The following KCNQ5 variants were observed in gnomAD, a reference collection of about 807,000 sequenced individuals.
KCNQ5 encodes potassium voltage-gated channel subfamily KQT member 5.
A neutral mutation model predicts 98.2 loss-of-function variants in KCNQ5; 30 were observed. The ratio of observed to expected loss-of-function variants is 0.31; its 90% CI spans 0.23 to 0.41. The LOEUF is 0.41. KCNQ5 is among the 10% of genes least tolerant of loss of function. The pLI is 1.00. For synonymous variants in KCNQ5, 458 were observed against 449.4 expected (o/e 1.02, Z -0.24); for missense variants, 835 against 1,182.5 (o/e 0.71, Z 4.31).
At chr6:72,805,862 T>C (rs1381009737) in intron 1 of KCNQ5, among the ~76,000 whole-genome samples, 1 of 152,154 alleles carries the variant, frequency 6.6e-6, no homozygotes, top group Non-Finnish European at 1.5e-5. Flanking sequence ...TTTTATAATT[T>C]TCATCGTAGA....
intron 10 of KCNQ5, among the ~76,000 whole-genome samples, chr6:73,144,293 C>T (rs1347174680): frequency 1.3e-5 from 2 of 152,068 alleles, no homozygotes; most frequent in Non-Finnish European, 2.9e-5. Flanking sequence ...CTTCCCTTGC[C>T]ATCTTTTTCT....
At chr6:73,097,155 A>ATATACATATATATATATATATG (rs1774544445) in intron 5 of KCNQ5, among the ~76,000 whole-genome samples, 1 of 147,228 alleles carries the variant, frequency 6.8e-6, no homozygotes, top group Non-Finnish European at 1.5e-5. Context: ...ATATATATAT[A>ATATACATATATATATATATATG]TATACACACA....
At chr6:72,968,322 C>T (rs542237726) in intron 1 of KCNQ5, among the ~76,000 whole-genome samples, 3 of 151,994 alleles carry the variant, frequency 2.0e-5, no homozygotes, top group South Asian at 4.2e-4. Flanking sequence ...ATTAGAGAAC[C>T]GTGTGAGACA....
At chr6:73,178,071 G>C (rs1179220308) in intron 11 of KCNQ5, among the ~76,000 whole-genome samples, 1 of 150,842 alleles carries the variant, frequency 6.6e-6, no homozygotes, top group Admixed American at 6.6e-5. Flanking sequence ...AACATGTATA[G>C]TCAATTTATT....
intron 1 of KCNQ5, among the ~76,000 whole-genome samples, chr6:72,718,207 C>G (rs1228103618): frequency 6.6e-6 from 1 of 152,136 alleles, no homozygotes; most frequent in Non-Finnish European, 1.5e-5. Context: ...TTTACTGATT[C>G]TAAATTCCAT....
At chr6:72,883,145 T>C (rs923454078) in intron 1 of KCNQ5, among the ~76,000 whole-genome samples, 2 of 152,228 alleles carry the variant, frequency 1.3e-5, no homozygotes, top group Admixed American at 6.5e-5. Context: ...AAGTAATCAT[T>C]GTCTGATGAG....
intron 3 of KCNQ5, among the ~76,000 whole-genome samples, chr6:73,060,882 A>G (rs1017349891): frequency 1.3e-5 from 2 of 152,194 alleles, no homozygotes; most frequent in African/African-American, 4.8e-5. Flanking sequence ...ATGAGACTGC[A>G]AGGAAATAGG....
intron 1 of KCNQ5, among the ~76,000 whole-genome samples, chr6:72,916,775 C>T (rs963179292): frequency 6.6e-6 from 1 of 152,022 alleles, no homozygotes; most frequent in African/African-American, 2.4e-5. Context: ...TTATATACCC[C>T]CCCAAAAAAA....
intron 1 of KCNQ5, among the ~76,000 whole-genome samples, chr6:72,661,597 G>A (rs963235725): frequency 1.3e-5 from 2 of 151,960 alleles, no homozygotes; most frequent in African/African-American, 4.8e-5. Flanking sequence ...TGTAGGCTTG[G>A]AAATGTTTTT....
At chr6:72,801,009 G>A (rs1262711701) in intron 1 of KCNQ5, among the ~76,000 whole-genome samples, 3 of 152,036 alleles carry the variant, frequency 2.0e-5, no homozygotes, top group Non-Finnish European at 2.9e-5. Flanking sequence ...TATAATTTCT[G>A]TTCTTTTACA....
chr6:73,150,489 C>T (rs1023384521), intron 10 of KCNQ5, among the ~76,000 whole-genome samples: 8 of 140,794 alleles, frequency 5.7e-5, no homozygotes, highest in Admixed American at 5.5e-4. Context: ...TATTATATTA[C>T]ATATAATATA....
chr6:72,753,701 A>T (rs1001936432), intron 1 of KCNQ5, among the ~76,000 whole-genome samples: 17 of 152,088 alleles, frequency 1.1e-4, no homozygotes, highest in Non-Finnish European at 4.4e-5. Context: ...ACATCTTTTC[A>T]CATGATGTTT....
chr6:73,091,770 A>ATTTG (rs1481222132), intron 5 of KCNQ5, among the ~76,000 whole-genome samples: 11 of 125,800 alleles, frequency 8.7e-5, no homozygotes, highest in Non-Finnish European at 1.8e-4. Context: ...TTGTTGGTTT[A>ATTTG]TTTGTTTGTT....
rs1162021317 is a variant in KCNQ5 at position 73,025,703 on chromosome 6, T to C, written c.490-16233T>C. 2.6e-5 allele frequency among the ~76,000 whole-genome samples: 4 copies of C among 150,946 alleles called. 1 individual carries two copies. Among genetic ancestry groups the C allele is most frequent in the Middle Eastern group, 6.5e-3 (2 of 310 alleles). Reference sequence around the variant, plus strand: ...CCATTTAAATGTATTTTGGAAAGTATATAAAAATCAAATATAAGATGGTTC... The same window carrying C: ...CCATTTAAATGTATTTTGGAAAGTACATAAAAATCAAATATAAGATGGTTC... On this transcript the variant is annotated intron_variant, in intron 2 of 13. Coordinates refer to ENST00000370398, the MANE Select transcript of KCNQ5 (RefSeq NM_019842.4).
intron 11 of KCNQ5, among the ~76,000 whole-genome samples, chr6:73,185,741 C>T (rs1026568303): frequency 6.6e-6 from 1 of 152,106 alleles, no homozygotes; most frequent in Non-Finnish European, 1.5e-5. Context: ...CCAGGGAAAA[C>T]CAGTGAAGGA....
At chr6:72,693,498 A>G (rs1387603028) in intron 1 of KCNQ5, among the ~76,000 whole-genome samples, 1 of 152,190 alleles carries the variant, frequency 6.6e-6, no homozygotes, top group Non-Finnish European at 1.5e-5. Flanking sequence ...GATGGGATTC[A>G]GGATTCTTTA....
At chr6:72,839,475 C>A (rs1344756445) in intron 1 of KCNQ5, among the ~76,000 whole-genome samples, 2 of 152,118 alleles carry the variant, frequency 1.3e-5, no homozygotes, top group Non-Finnish European at 2.9e-5. Context: ...ATTTTGAATT[C>A]TATCCTGGAC....
chr6:73,054,667 C>T (rs1464617090), intron 3 of KCNQ5, among the ~76,000 whole-genome samples: 1 of 152,174 alleles, frequency 6.6e-6, no homozygotes, highest in Non-Finnish European at 1.5e-5. Flanking sequence ...AAACCCTCAA[C>T]AAACTAGGCA....
chr6:73,077,562 G>T (rs1453368391), intron 4 of KCNQ5, 65 bp downstream of exon 4: 1 of 1,491,980 alleles, frequency 6.7e-7, no homozygotes, highest in Non-Finnish European at 9.0e-7. Flanking sequence ...CGCTGTAATA[G>T]TTAATAAACC....
Sources: gnomAD v4.1 joint callset for allele counts (sites outside exome capture counted in the v4.1 genomes callset) on GRCh38, gnomAD v4.1.1 for gene constraint, MANE v1.5 for transcripts, NCBI Gene and HGNC (gene_info 2026-07-23, HGNC 2026-07-21) for gene names.